The following NEGR1 variants were observed in gnomAD, a reference collection of about 807,000 sequenced individuals.
NEGR1 encodes the protein IgLON family member 4.
NEGR1 carries 10 observed loss-of-function variants against 40.9 expected under a neutral mutation model. The ratio of observed to expected loss-of-function variants is 0.24; its 90% CI spans 0.15 to 0.42. NEGR1 has a LOEUF of 0.42. NEGR1 is among the 10% of genes least tolerant of loss of function. The pLI, the probability that NEGR1 is intolerant of heterozygous loss-of-function variation, is 1.00. For missense variants in NEGR1, 352 were observed against 438.9 expected (o/e 0.80, Z 1.77); for synonymous variants, 185 against 166.8 (o/e 1.11, Z -0.84).
intron 1 of NEGR1, among the ~76,000 whole-genome samples, chr1:72,068,438 C>T (rs1469672920): frequency 6.6e-6 from 1 of 152,144 alleles, no homozygotes; most frequent in Non-Finnish European, 1.5e-5. Context: ...ACCATTTCCT[C>T]TGACTACCTG....
chr1:71,880,351 G>T (rs957254927), intron 2 of NEGR1, among the ~76,000 whole-genome samples: 3 of 151,970 alleles, frequency 2.0e-5, no homozygotes, highest in South Asian at 2.1e-4. Flanking sequence ...AGGATTAAAA[G>T]AATATTTTTA....
intron 2 of NEGR1, among the ~76,000 whole-genome samples, chr1:71,856,559 C>T (rs528211006): frequency 6.6e-6 from 1 of 152,168 alleles, no homozygotes; most frequent in African/African-American, 2.4e-5. Flanking sequence ...GGATTTTCAC[C>T]TAACAGCTCT....
chr1:71,728,796 A>C (rs1654760046), intron 3 of NEGR1, among the ~76,000 whole-genome samples: 2 of 152,130 alleles, frequency 1.3e-5, no homozygotes, highest in Admixed American at 6.6e-5. Context: ...CATTAGCGTA[A>C]GTTTTCTTCA....
At chr1:72,037,266 C>A (rs1217794572) in intron 1 of NEGR1, among the ~76,000 whole-genome samples, 1 of 152,074 alleles carries the variant, frequency 6.6e-6, no homozygotes, top group Non-Finnish European at 1.5e-5. Flanking sequence ...AGCTTAAGAC[C>A]ATGTTACAAA....
At chr1:71,438,756 G>C (rs1646527097) in intron 6 of NEGR1, among the ~76,000 whole-genome samples, 2 of 152,112 alleles carry the variant, frequency 1.3e-5, no homozygotes, top group Non-Finnish European at 1.5e-5. Flanking sequence ...AAGTGAGATG[G>C]GGCCAGACAT....
chr1:72,020,687 G>A (rs976480988), intron 1 of NEGR1, among the ~76,000 whole-genome samples: 1 of 151,978 alleles, frequency 6.6e-6, no homozygotes, highest in Non-Finnish European at 1.5e-5. Context: ...CAAAACAGAC[G>A]ACTACAACAA....
At chr1:72,150,722 A>T (rs986573625) in intron 1 of NEGR1, among the ~76,000 whole-genome samples, 1 of 152,158 alleles carries the variant, frequency 6.6e-6, no homozygotes, top group Non-Finnish European at 1.5e-5. Flanking sequence ...TTGCTGGTGA[A>T]TTTTAGGTTT....
At chr1:72,168,182 T>G (rs573025327) in intron 1 of NEGR1, among the ~76,000 whole-genome samples, 1 of 151,980 alleles carries the variant, frequency 6.6e-6, no homozygotes, top group South Asian at 2.1e-4. Context: ...CCCAGTTAAT[T>G]TTTGTATTTT....
At chr1:72,207,504 A>G (rs1653454133) in intron 1 of NEGR1, among the ~76,000 whole-genome samples, 2 of 152,002 alleles carry the variant, frequency 1.3e-5, no homozygotes, top group East Asian at 1.9e-4. Flanking sequence ...GGATAAAACA[A>G]TAAGAAGTAG....
intron 3 of NEGR1, among the ~76,000 whole-genome samples, chr1:71,769,072 CT>C (rs57724666): frequency 4.9e-4 from 73 of 148,416 alleles, no homozygotes; most frequent in African/African-American, 1.6e-3. Context: ...AACAATAAAA[CT>C]TTTTTTTTTT....
chr1:71,691,087 A>G (rs1257848331), intron 4 of NEGR1, among the ~76,000 whole-genome samples: 1 of 151,976 alleles, frequency 6.6e-6, no homozygotes, highest in Non-Finnish European at 1.5e-5. Flanking sequence ...ATGGGAGAAT[A>G]CACTTCAGTT....
intron 1 of NEGR1, among the ~76,000 whole-genome samples, chr1:72,099,224 G>T (rs1257829465): frequency 6.6e-6 from 1 of 151,794 alleles, no homozygotes; most frequent in East Asian, 1.9e-4. Context: ...AAAATTCCGT[G>T]TTATCACTCA....
chr1:71,868,828 C>CTT (rs1464789203), intron 2 of NEGR1, among the ~76,000 whole-genome samples: 1 of 152,024 alleles, frequency 6.6e-6, no homozygotes, highest in African/African-American at 2.4e-5. Flanking sequence ...AATACTCTCT[C>CTT]TCCCCTTCCC....
intron 1 of NEGR1, among the ~76,000 whole-genome samples, chr1:71,951,442 T>G (rs1013875825): frequency 1.3e-5 from 2 of 151,998 alleles, no homozygotes; most frequent in African/African-American, 4.8e-5. Context: ...AACTGAGATA[T>G]AGCTATCAAT....
chr1:72,174,877 G>C (rs539672154), intron 1 of NEGR1, among the ~76,000 whole-genome samples: 1 of 152,192 alleles, frequency 6.6e-6, no homozygotes, highest in African/African-American at 2.4e-5. Flanking sequence ...TAGAAGTCAA[G>C]TGTTCACTCA....
At chr1:72,045,087 T>C (rs962223457) in intron 1 of NEGR1, among the ~76,000 whole-genome samples, 1 of 151,830 alleles carries the variant, frequency 6.6e-6, no homozygotes, top group Non-Finnish European at 1.5e-5. Flanking sequence ...ATCTTGTCTA[T>C]ATAATTTTGA....
chr1:72,088,783 G>C (rs1006702615), intron 1 of NEGR1, among the ~76,000 whole-genome samples: 1 of 132,104 alleles, frequency 7.6e-6, no homozygotes, highest in African/African-American at 2.8e-5. Context: ...GTATAATGTA[G>C]TTCTCTCTCT....
chr1:72,187,663 C>T lies in NEGR1; in HGVS notation c.176+94656G>A, dbSNP rs1183292437. Reference sequence around the variant, plus strand: ...GCCATGTTGAAACAGACAATCCAAACCTGGTATATTTTTTTAGGTATAACA... The same window carrying T: ...GCCATGTTGAAACAGACAATCCAAATCTGGTATATTTTTTTAGGTATAACA... On this transcript the variant is annotated intron_variant, in intron 1 of 6. Coordinates refer to ENST00000357731, the MANE Select transcript of NEGR1 (RefSeq NM_173808.3). 7.0e-4 allele frequency among the ~76,000 whole-genome samples: 6 copies of T among 8,626 alleles called. No homozygotes were observed. In the Admixed American group the frequency reaches 8.5e-3, roughly 12 times the overall value. The allele number at this position is 8,626 out of a possible 152,430, so 5.7% of individuals were successfully genotyped here.
At chr1:72,181,691 G>A (rs926543180) in intron 1 of NEGR1, among the ~76,000 whole-genome samples, 1 of 152,130 alleles carries the variant, frequency 6.6e-6, no homozygotes, top group Admixed American at 6.6e-5. Flanking sequence ...GTGGATAGAT[G>A]AATGGGTAAA....
Sources: allele counts gnomAD v4.1 joint callset (sites outside exome capture counted in the v4.1 genomes callset), GRCh38; gene constraint gnomAD v4.1.1; transcripts MANE v1.5; gene names NCBI Gene and HGNC (gene_info 2026-07-23, HGNC 2026-07-21).